PPP5C: variants seen among roughly 807,000 people sequenced by gnomAD.
PPP5C encodes serine/threonine-protein phosphatase 5.
PPP5C carries 21 observed loss-of-function variants against 66.7 expected under a neutral mutation model. That is an observed-to-expected ratio of 0.31 (90% confidence interval 0.22 to 0.45). The LOEUF is 0.45. PPP5C is among the 20% of genes least tolerant of loss of function. PPP5C has a pLI of 1.00. For synonymous variants in PPP5C, 246 were observed against 257.4 expected (o/e 0.96, Z 0.43); for missense variants, 464 against 675.9 (o/e 0.69, Z 3.48).
intron 2 of PPP5C, among the ~76,000 whole-genome samples, chr19:46,355,197 G>A (rs1321063299): frequency 6.6e-6 from 1 of 152,250 alleles, no homozygotes; most frequent in African/African-American, 2.4e-5. Flanking sequence ...CCCTGAGACG[G>A]GGCCGTGCGC....
In PPP5C at chr19:46,383,174, T is replaced by C. The variant is rs1433504869; in HGVS notation, c.634-237T>C. 3 of 1,480,826 alleles carry C rather than the reference T, an allele frequency of 2.0e-6. No individual in the cohort carries two copies. Among genetic ancestry groups the C allele is most frequent in the Non-Finnish European group, 2.7e-6 (3 of 1,112,318 alleles). The allele number at this position is 1,480,826 out of a possible 1,614,324, so 91.7% of individuals were successfully genotyped here. On this transcript the variant is annotated intron_variant, in intron 4 of 12. Coordinates refer to ENST00000012443, the MANE Select transcript of PPP5C (RefSeq NM_006247.4). The surrounding 1 kb of genome is among the most constrained non-coding windows in gnomAD (Gnocchi z 5.0). ...TGAGTATTTTAAGATAATTCAAGAATCAGGTTTTCGTACAAAACAATCGCA... is the reference window on the plus strand; with the variant it reads ...TGAGTATTTTAAGATAATTCAAGAACCAGGTTTTCGTACAAAACAATCGCA...
chr19:46,369,274 C>T (rs1003099110), intron 2 of PPP5C, among the ~76,000 whole-genome samples: 1 of 152,190 alleles, frequency 6.6e-6, no homozygotes, highest in African/African-American at 2.4e-5. Context: ...CACGCCTGTA[C>T]AGCATGTTAC....
Position 46,390,936 on chromosome 19 carries a change from A to G in PPP5C, c.*590A>G. On this transcript the variant is annotated 3_prime_UTR_variant, in exon 13 of 13. Transcript: ENST00000012443. ...GAGATCCGGAGGGTGGGGAGGCCGC[A>G]AAGTCCCGCTGGCCGGGCCCACCCA... 1 of 1,174,314 alleles carries G rather than the reference A, an allele frequency of 8.5e-7. No homozygotes were observed. Among genetic ancestry groups the G allele is most frequent in the Non-Finnish European group, 1.1e-6 (1 of 931,350 alleles). The allele number at this position is 1,174,314 out of a possible 1,614,324, so 72.7% of individuals were successfully genotyped here. A position where few individuals can be genotyped will look rare whatever the true frequency, so the allele number is the denominator to read the frequency against.
intron 2 of PPP5C, among the ~76,000 whole-genome samples, chr19:46,370,929 A>G (rs1204504043): frequency 6.6e-6 from 1 of 151,952 alleles, no homozygotes; most frequent in Non-Finnish European, 1.5e-5. Context: ...TTTAGTAGAG[A>G]TGGGGTTTCA....
intron 2 of PPP5C, among the ~76,000 whole-genome samples, chr19:46,355,067 A>G (rs1972260503): frequency 6.6e-6 from 1 of 152,256 alleles, no homozygotes; most frequent in Non-Finnish European, 1.5e-5. Flanking sequence ...AGATGAGGAA[A>G]CAGTCCCTAA....
At chr19:46,357,561 T>C (rs1972308369) in intron 2 of PPP5C, among the ~76,000 whole-genome samples, 1 of 152,198 alleles carries the variant, frequency 6.6e-6, no homozygotes, top group Non-Finnish European at 1.5e-5. Context: ...AGTCCCCACT[T>C]GTCCCTTATT....
chr19:46,350,803 A>G (rs1972170656), intron 1 of PPP5C, among the ~76,000 whole-genome samples: 1 of 152,014 alleles, frequency 6.6e-6, no homozygotes. Flanking sequence ...GGGCCCGGAT[A>G]TCCCCTTCCT....
intron 1 of PPP5C, among the ~76,000 whole-genome samples, chr19:46,349,440 G>A (rs1972144644): frequency 6.6e-6 from 1 of 152,156 alleles, no homozygotes; most frequent in Non-Finnish European, 1.5e-5. Context: ...GCGGAGGTGG[G>A]AAGGGTCTGG....
chr19:46,384,872 C>T lies in PPP5C; in HGVS notation c.867C>T (p.Phe289=). 6.2e-7 allele frequency: 1 copy of T among 1,614,170 alleles called. No homozygotes were observed. Residue 289 remains phenylalanine, a synonymous_variant, in exon 7 of 13, where the codon TTC becomes TTT. Coordinates refer to ENST00000012443, the MANE Select transcript of PPP5C (RefSeq NM_006247.4). The part of the protein sequence containing the change: ...SVEVILTLFG[F]KLLYPDHFHL... ...AAGTGATCCTCACCCTTTTCGGCTT[C>T]AAGCTCCTGTACCCAGATCACTTTC...
At chr19:46,361,589 TAAAAAAAAAAAAAAAA>T (rs935838226) in intron 2 of PPP5C, among the ~76,000 whole-genome samples, 1 of 85,286 alleles carries the variant, frequency 1.2e-5, no homozygotes, top group African/African-American at 4.7e-5. Context: ...TACTAAAAAT[TAAAAAAAAAAAAAAAA>T]AAAAAAAAAA....
intron 7 of PPP5C, chr19:46,386,820 C>A: frequency 1.9e-6 from 1 of 532,498 alleles, no homozygotes; most frequent in South Asian, 2.2e-5. Context: ...GTATATTGCC[C>A]AGGCTGGTCT....
At chr19:46,348,784 G>T (rs1350102579) in intron 1 of PPP5C, among the ~76,000 whole-genome samples, 1 of 152,144 alleles carries the variant, frequency 6.6e-6, no homozygotes, top group Non-Finnish European at 1.5e-5. Context: ...CACTTAGTGA[G>T]GTGGAAAGGA....
At chr19:46,358,307 T>C (rs1972322203) in intron 2 of PPP5C, among the ~76,000 whole-genome samples, 1 of 152,232 alleles carries the variant, frequency 6.6e-6, no homozygotes, top group Admixed American at 6.5e-5. Flanking sequence ...TCATATTATA[T>C]GATTATGTCT....
chr19:46,380,610 TA>T (rs1256865151), intron 4 of PPP5C, among the ~76,000 whole-genome samples: 10 of 152,384 alleles, frequency 6.6e-5, no homozygotes, highest in African/African-American at 2.4e-4. Context: ...TGCTGTAGAC[TA>T]ATTCTCTCAG....
intron 2 of PPP5C, among the ~76,000 whole-genome samples, chr19:46,370,053 G>A (rs192285875): frequency 1.4e-3 from 207 of 152,172 alleles, no homozygotes; most frequent in African/African-American, 4.6e-3. Context: ...GTAAGGCTAG[G>A]ACAGTAATGT....
At chr19:46,356,210 T>C (rs1972283949) in intron 2 of PPP5C, among the ~76,000 whole-genome samples, 1 of 152,208 alleles carries the variant, frequency 6.6e-6, no homozygotes, top group South Asian at 2.1e-4. Context: ...TAAATTGTCA[T>C]GGCCCATTTC....
At chr19:46,386,757 C>T (rs986164920) in intron 7 of PPP5C, 2 of 339,774 alleles carry the variant, frequency 5.9e-6, no homozygotes, top group African/African-American at 4.2e-5. Context: ...GCACTATAGG[C>T]ACGCACCACC....
At chr19:46,373,603 C>G (rs1014638373) in intron 2 of PPP5C, among the ~76,000 whole-genome samples, 2 of 145,660 alleles carry the variant, frequency 1.4e-5, no homozygotes, top group Non-Finnish European at 1.5e-5. Context: ...GAACAGGAGA[C>G]TGGCGGGGAG....
intron 7 of PPP5C, among the ~76,000 whole-genome samples, chr19:46,385,430 G>A (rs1185256962): frequency 2.0e-5 from 3 of 152,176 alleles, no homozygotes; most frequent in Admixed American, 1.3e-4. Flanking sequence ...GATCACTTCA[G>A]CCCAGGAGTT....
Sources: allele counts gnomAD v4.1 joint callset (sites outside exome capture counted in the v4.1 genomes callset), GRCh38; gene constraint gnomAD v4.1.1; non-coding constraint Gnocchi (gnomAD v3.1); transcripts MANE v1.5; gene names NCBI Gene and HGNC (gene_info 2026-07-23, HGNC 2026-07-21).